CAV2: variants seen among roughly 807,000 people sequenced by gnomAD.
The protein encoded by CAV2 is caveolin-2.
A neutral mutation model predicts 15.5 loss-of-function variants in CAV2; 7 were observed. The observed-to-expected ratio is 0.45, with a 90% CI of 0.26 to 0.85. CAV2 has a LOEUF of 0.85. Ranked by LOEUF, CAV2 falls within the 40% of genes least tolerant of loss-of-function variation. CAV2 has a pLI of 0.18. For missense variants in CAV2, 229 were observed against 208.8 expected, an observed-to-expected ratio of 1.10 and a Z score of -0.60; for synonymous variants, 76 against 83.1, an observed-to-expected ratio of 0.91 and a Z score of 0.46.
chr7:116,503,935 G>A (rs1460933937), intron 2 of CAV2, among the ~76,000 whole-genome samples: 3 of 101,854 alleles, frequency 2.9e-5, no homozygotes, highest in African/African-American at 1.2e-4. Context: ...GGGAGGGAGG[G>A]AGGGAGGGAG....
At chr7:116,504,263 C>T (rs1197873807) in intron 2 of CAV2, among the ~76,000 whole-genome samples, 3 of 152,112 alleles carry the variant, frequency 2.0e-5, no homozygotes, top group Non-Finnish European at 4.4e-5. Context: ...AATGTCAATC[C>T]TCATAGCCAG....
rs1162921178 is a variant in CAV2 at position 116,504,048 on chromosome 7, AAGAGAAAG to A, written c.339-1921_339-1914del. Reference sequence around the variant, plus strand: ...AAAGAAAGAGAAAGAAAAAGAAAGAAAGAGAAAGAAAGAAAGAAGGAAGGAATTCTAAG... The same window carrying A: ...AAAGAAAGAGAAAGAAAAAGAAAGAAAAAGAAAGAAGGAAGGAATTCTAAG... On this transcript the variant is annotated intron_variant, in intron 2 of 2. Coordinates refer to ENST00000222693, the MANE Select transcript of CAV2 (RefSeq NM_001233.5). 3.3e-3 allele frequency among the ~76,000 whole-genome samples: 382 copies of A among 114,366 alleles called. 4 individuals are homozygous for A. The highest frequency in any genetic ancestry group is 0.011 in the African/African-American group (372 of 34,994). The allele number at this position is 114,366 out of a possible 152,430, so 75.0% of individuals were successfully genotyped here.
intron 1 of CAV2, 93 bp downstream of exon 1, chr7:116,500,024 C>G (rs1286392222): frequency 2.0e-6 from 3 of 1,509,732 alleles, no homozygotes; most frequent in Non-Finnish European, 2.6e-6. Flanking sequence ...ACCATTGCTA[C>G]CGGGTCGGCC....
rs1321981045 is a variant in CAV2, at chr7:116,507,039, C to T, written c.*918C>T. 6.6e-6 allele frequency: 1 copy of T among 152,574 alleles called. No homozygotes were observed. Among genetic ancestry groups the T allele is most frequent in the Non-Finnish European group, 1.5e-5 (1 of 68,014 alleles). The allele number at this position is 152,574 out of a possible 1,614,324, so 9.5% of individuals were successfully genotyped here. On this transcript the variant is annotated 3_prime_UTR_variant, in exon 3 of 3. Coordinates refer to ENST00000222693, the MANE Select transcript of CAV2 (RefSeq NM_001233.5). ...AATTCATATCTAAATAGTATTTTGTCTAGGAGATGCTTTCTCTCTAGTAGT... is the reference window on the plus strand; with the variant it reads ...AATTCATATCTAAATAGTATTTTGTTTAGGAGATGCTTTCTCTCTAGTAGT...
In CAV2 at chr7:116,499,951, G is replaced by A. The variant is rs1793051955; in HGVS notation, c.150+20G>A. The A allele has an allele frequency of 6.2e-7, 1 of 1,607,378 alleles. No homozygotes were observed. Among genetic ancestry groups the A allele is most frequent in the Non-Finnish European group, 8.5e-7 (1 of 1,177,702 alleles). On this transcript the variant is annotated intron_variant, in intron 1 of 2. Transcript: ENST00000222693. The stretch of plus-strand genomic sequence containing the variant: ...CTCAAGGTGAAGCCCGGGGCGGGCG[G>A]GCCCAAGTCCCCGCTGAGGCCGGGA...
intron 2 of CAV2, 59 bp downstream of exon 2, chr7:116,500,506 C>T: frequency 6.6e-6 from 10 of 1,512,252 alleles, no homozygotes; most frequent in South Asian, 1.2e-5. Flanking sequence ...TTCTCCGCCA[C>T]CTGCCCCCTA....
At chr7:116,500,693 A>T in intron 2 of CAV2, 1 of 491,204 alleles carries the variant, frequency 2.0e-6, no homozygotes, top group East Asian at 3.5e-5. Context: ...TTCCTTGCAT[A>T]CATAAGGCTG....
At chr7:116,505,863 A>G (rs752922072) in intron 2 of CAV2, 108 bp from the exon 3 acceptor site, 3 of 707,656 alleles carry the variant, frequency 4.2e-6, no homozygotes, top group Non-Finnish European at 6.9e-6. Context: ...CAAACTCTCA[A>G]CCAAATTTAA....
intron 2 of CAV2, among the ~76,000 whole-genome samples, chr7:116,505,695 G>T (rs1584757289): frequency 1.3e-5 from 2 of 152,120 alleles, no homozygotes; most frequent in African/African-American, 4.8e-5. Context: ...TACCAAGAGG[G>T]TGGCAGGCAC....
chr7:116,504,660 C>T (rs1221422304), intron 2 of CAV2, among the ~76,000 whole-genome samples: 1 of 152,200 alleles, frequency 6.6e-6, no homozygotes, highest in Non-Finnish European at 1.5e-5. Flanking sequence ...AATAAAGCTT[C>T]CATTGAGGCT....
intron 2 of CAV2, among the ~76,000 whole-genome samples, chr7:116,503,059 T>C (rs1315614907): frequency 2.6e-5 from 4 of 152,090 alleles, no homozygotes; most frequent in African/African-American, 9.7e-5. Flanking sequence ...GCAGTCTGCA[T>C]GACTCTACAA....
Position 116,499,933 on chromosome 7 carries a change from T to TGAAGCCCGGGGCGGA in CAV2, c.150+16_150+17insAGAAGCCCGGGGCGG. ...CACCGGCTCAACTCGCATCTCAAGG[T>TGAAGCCCGGGGCGGA]GAAGCCCGGGGCGGGCGGGCCCAAG... On this transcript the variant is annotated splice_region_variant and intron_variant, in intron 1 of 2. Transcript: ENST00000222693. 1 of 1,609,734 alleles carries TGAAGCCCGGGGCGGA rather than the reference T, an allele frequency of 6.2e-7. No homozygotes were observed. Among genetic ancestry groups the TGAAGCCCGGGGCGGA allele is most frequent in the Non-Finnish European group, 8.5e-7 (1 of 1,178,674 alleles).
At chr7:116,502,533 A>G (rs887776012) in intron 2 of CAV2, among the ~76,000 whole-genome samples, 5 of 152,222 alleles carry the variant, frequency 3.3e-5, no homozygotes, top group Admixed American at 6.5e-5. Context: ...ATGACATGAT[A>G]AGACCAGATC....
At chr7:116,500,196 G>T (rs1375770120) in intron 1 of CAV2, 64 bp from the exon 2 acceptor site, 3 of 1,570,526 alleles carry the variant, frequency 1.9e-6, no homozygotes, top group South Asian at 2.4e-5. Context: ...CGCCCAAAGC[G>T]CTCCCGGTTC....
chr7:116,505,354 A>C (rs182765482), intron 2 of CAV2, among the ~76,000 whole-genome samples: 2 of 152,324 alleles, frequency 1.3e-5, no homozygotes. Flanking sequence ...ATTAGTGTTT[A>C]TTATCTACAT....
chr7:116,505,945 C>A, intron 2 of CAV2, 26 bp from the exon 3 acceptor site: 7 of 1,559,694 alleles, frequency 4.5e-6, no homozygotes, highest in Non-Finnish European at 6.2e-6. Context: ...CAACAATCCT[C>A]ACACATCTCT....
chr7:116,506,054 T>C lies in CAV2; in HGVS notation c.422T>C (p.Ile141Thr). ...TIWKSVTDVI[I>T]APLCTSVGRC... The stretch of plus-strand genomic sequence containing the variant: ...TGGAAGAGTGTGACAGATGTTATCA[T>C]TGCTCCATTGTGTACGAGCGTAGGA... The change falls in exon 3 of 3, where the codon ATT becomes ACT. Residue 141 changes from isoleucine to threonine, a missense_variant. By Grantham distance (89) the Ile-to-Thr change is moderately conservative. Coordinates refer to ENST00000222693, the MANE Select transcript of CAV2 (RefSeq NM_001233.5). 1.2e-6 allele frequency: 2 copies of C among 1,613,866 alleles called. No individual in the cohort carries two copies. The highest frequency in any genetic ancestry group is 1.3e-5 in the African/African-American group (1 of 75,046).
In CAV2 at chr7:116,506,822, A is replaced by G. The variant is rs1477139941; in HGVS notation, c.*701A>G. The G allele has an allele frequency of 6.6e-6, 1 of 152,236 alleles. No homozygotes were observed. The highest frequency in any genetic ancestry group is 1.5e-5 in the Non-Finnish European group (1 of 68,036). The allele number at this position is 152,236 out of a possible 1,614,324, so 9.4% of individuals were successfully genotyped here. A position where few individuals can be genotyped will look rare whatever the true frequency, so the allele number is the denominator to read the frequency against. ...TATATTTATGTTGTTGAACTAATAT[A>G]TGAAATAAGTAAATGTAGCTCCCAC... On this transcript the variant is annotated 3_prime_UTR_variant, in exon 3 of 3. Transcript: ENST00000222693.
At chr7:116,503,235 G>A (rs1036370878) in intron 2 of CAV2, among the ~76,000 whole-genome samples, 1 of 151,258 alleles carries the variant, frequency 6.6e-6, no homozygotes. Flanking sequence ...CAAATTTTGG[G>A]TCAATCAGAA....
Sources: allele counts gnomAD v4.1 joint callset (sites outside exome capture counted in the v4.1 genomes callset), GRCh38; gene constraint gnomAD v4.1.1; transcripts MANE v1.5; gene names NCBI Gene and HGNC (gene_info 2026-07-23, HGNC 2026-07-21).